Variants in HECW2 observed in about 807,000 individuals in gnomAD.
HECW2 encodes HECT, C2 and WW domain containing E3 ubiquitin protein ligase 2, also known as E3 ubiquitin-protein ligase HECW2.
Under a neutral mutation model 175.2 loss-of-function variants are expected in HECW2, and 61 were observed. The ratio of observed to expected loss-of-function variants is 0.35; its 90% CI spans 0.28 to 0.43. The LOEUF is 0.43. Ranked by LOEUF, HECW2 falls within the 20% of genes least tolerant of loss-of-function variation. HECW2 has a pLI of 1.00. For synonymous variants in HECW2, 671 were observed against 731.0 expected, an observed-to-expected ratio of 0.92 and a Z score of 1.32; for missense variants, 1,524 against 2,000.5, an observed-to-expected ratio of 0.76 and a Z score of 4.54.
chr2:196,557,900 T>C (rs1253689517), intron 1 of HECW2, among the ~76,000 whole-genome samples: 1 of 152,180 alleles, frequency 6.6e-6, no homozygotes, highest in East Asian at 1.9e-4. Context: ...AAAATTTCTG[T>C]TTTGTAAGCA....
intron 15 of HECW2, among the ~76,000 whole-genome samples, chr2:196,276,492 C>A (rs2105978908): frequency 6.6e-6 from 1 of 152,260 alleles, no homozygotes; most frequent in South Asian, 2.1e-4. Context: ...CCTAACTAGA[C>A]CAAACAGCCA....
chr2:196,358,137 G>A (rs541287486), intron 2 of HECW2, among the ~76,000 whole-genome samples: 74 of 152,192 alleles, frequency 4.9e-4, no homozygotes, highest in African/African-American at 1.7e-3. Flanking sequence ...ATGACCTTGG[G>A]CAAATCTTGA....
At chr2:196,314,399 T>C (rs1691613989) in intron 10 of HECW2, among the ~76,000 whole-genome samples, 2 of 152,234 alleles carry the variant, frequency 1.3e-5, no homozygotes, top group Admixed American at 1.3e-4. Context: ...AGCCACCCTC[T>C]GCCTCAAACC....
At chr2:196,288,096 AAAG>A (rs1233054139) in intron 14 of HECW2, 5 of 152,196 alleles carry the variant, frequency 3.3e-5, no homozygotes, top group Non-Finnish European at 5.9e-5. Flanking sequence ...TTTATAATTC[AAAG>A]AAGAGGCATT....
At chr2:196,550,356 G>A (rs757431738) in intron 1 of HECW2, among the ~76,000 whole-genome samples, 1 of 151,890 alleles carries the variant, frequency 6.6e-6, no homozygotes, top group Non-Finnish European at 1.5e-5. Flanking sequence ...TCTACGAAAT[G>A]AATCACAGTT....
At chr2:196,222,563 C>A (rs932556767) in intron 23 of HECW2, among the ~76,000 whole-genome samples, 2 of 152,104 alleles carry the variant, frequency 1.3e-5, no homozygotes, top group Non-Finnish European at 2.9e-5. Context: ...TAATATGCCA[C>A]AGGAATCATT....
Position 196,249,467 on chromosome 2 carries a change from G to A in HECW2, c.3529+4453C>T, listed in dbSNP as rs372170794. On this transcript the variant is annotated intron_variant, in intron 19 of 28. Transcript: ENST00000644978. ...TCAACGTGCTTGGAATGAGGAAAAG[G>A]GGGAAAGTTTACCAGGTTCCTAGGA... 2.0e-3 allele frequency among the ~76,000 whole-genome samples: 6 copies of A among 3,070 alleles called. No individual in the cohort carries two copies. The East Asian group carries it at 0.25, about 128-fold the overall frequency. 2.0% of individuals were successfully genotyped at this position (3,070 alleles called of 152,430 possible).
chr2:196,325,316 G>T (rs1214253963), intron 5 of HECW2, among the ~76,000 whole-genome samples, 167 bp from the exon 6 acceptor site: 1 of 152,132 alleles, frequency 6.6e-6, no homozygotes, highest in Non-Finnish European at 1.5e-5. Context: ...CACACAGGAG[G>T]CTCTAAACAG....
intron 2 of HECW2, among the ~76,000 whole-genome samples, chr2:196,403,555 A>T (rs1323608241): frequency 6.6e-6 from 1 of 152,260 alleles, no homozygotes; most frequent in African/African-American, 2.4e-5. Context: ...CTTGATTACA[A>T]AGTACTCAGT....
intron 2 of HECW2, among the ~76,000 whole-genome samples, chr2:196,386,260 A>G (rs1694347642): frequency 6.6e-6 from 1 of 152,150 alleles, no homozygotes; most frequent in Non-Finnish European, 1.5e-5. Context: ...AGTGTATAGG[A>G]TGGTTATAAG....
At chr2:196,453,767 A>G (rs945488476) in intron 1 of HECW2, among the ~76,000 whole-genome samples, 4 of 152,194 alleles carry the variant, frequency 2.6e-5, no homozygotes, top group African/African-American at 9.7e-5. Context: ...AAAGCTCACT[A>G]GCCCCACCTA....
At chr2:196,243,621 C>T (rs1014533264) in intron 19 of HECW2, among the ~76,000 whole-genome samples, 6 of 152,046 alleles carry the variant, frequency 3.9e-5, no homozygotes, top group African/African-American at 7.3e-5. Context: ...GCTCTTGTTG[C>T]CCAGGCTGGA....
chr2:196,421,640 G>C (rs1242400888), intron 2 of HECW2, among the ~76,000 whole-genome samples: 2 of 152,124 alleles, frequency 1.3e-5, no homozygotes, highest in African/African-American at 4.8e-5. Flanking sequence ...GCATGCAAAA[G>C]CTATCTTAAT....
chr2:196,248,631 C>CACAG (rs779364588), intron 19 of HECW2, among the ~76,000 whole-genome samples: 2,261 of 148,450 alleles, frequency 0.015, 31 homozygotes, highest in Middle Eastern at 0.041. Flanking sequence ...CACACACACA[C>CACAG]AGAGAGAGAC....
chr2:196,508,060 A>G lies in HECW2; in HGVS notation c.-35-74602T>C, dbSNP rs184512271. ...TATTGTTTTCTTATGCCATTTATAC[A>G]ACTTATGTATGGTAGGGGGATTGGA... On this transcript the variant is annotated intron_variant, in intron 1 of 28. Transcript: ENST00000644978. Among the ~76,000 whole-genome samples the G allele has an allele frequency of 6.5e-3, 994 of 152,326 alleles. 24 individuals are homozygous for G. The highest frequency in any genetic ancestry group is 2.6e-3 in the Non-Finnish European group (180 of 68,028).
intron 2 of HECW2, among the ~76,000 whole-genome samples, chr2:196,404,644 G>A (rs1694909872): frequency 6.6e-6 from 1 of 151,886 alleles, no homozygotes; most frequent in Admixed American, 6.6e-5. Flanking sequence ...TGATCTTCCA[G>A]GTCACCAGTT....
intron 1 of HECW2, among the ~76,000 whole-genome samples, chr2:196,489,058 T>C (rs1427958357): frequency 6.6e-6 from 1 of 152,212 alleles, no homozygotes; most frequent in Admixed American, 6.5e-5. Flanking sequence ...CGAATAGAGT[T>C]AGTTACCTTT....
chr2:196,573,962 C>T (rs1300747169), intron 1 of HECW2, among the ~76,000 whole-genome samples: 1 of 151,950 alleles, frequency 6.6e-6, no homozygotes, highest in African/African-American at 2.4e-5. Context: ...AAGAGGATTG[C>T]CTGAACCCAG....
At chr2:196,218,814 A>G (rs563043795) in intron 26 of HECW2, among the ~76,000 whole-genome samples, 2 of 152,360 alleles carry the variant, frequency 1.3e-5, no homozygotes, top group South Asian at 4.1e-4. Context: ...TGGGTTAACA[A>G]CATTATAATA....
Sources: gnomAD v4.1 joint callset for allele counts (sites outside exome capture counted in the v4.1 genomes callset) on GRCh38, gnomAD v4.1.1 for gene constraint, MANE v1.5 for transcripts, NCBI Gene and HGNC (gene_info 2026-07-23, HGNC 2026-07-21) for gene names.